CNTNAP2: variants seen among roughly 807,000 people sequenced by gnomAD.
The protein encoded by CNTNAP2 is contactin-associated protein-like 2.
CNTNAP2 carries 98 observed loss-of-function variants against 155.2 expected under a neutral mutation model. The ratio of observed to expected loss-of-function variants is 0.63; its 90% CI spans 0.54 to 0.75. The LOEUF (loss-of-function observed/expected upper bound fraction) is 0.75, where lower values mean the gene tolerates loss of function less well. Ranked by LOEUF, CNTNAP2 falls within the 30% of genes least tolerant of loss-of-function variation. CNTNAP2 has a pLI of 0.00. For synonymous variants in CNTNAP2, 651 were observed against 631.2 expected (o/e 1.03, Z -0.47); for missense variants, 1,727 against 1,688.1 (o/e 1.02, Z -0.40).
At chr7:147,732,669 C>T (rs1796763894) in intron 13 of CNTNAP2, among the ~76,000 whole-genome samples, 1 of 152,194 alleles carries the variant, frequency 6.6e-6, no homozygotes, top group Admixed American at 6.5e-5. Flanking sequence ...TAAAAGTGTT[C>T]CTATTTCTCC....
At chr7:147,287,686 CTACCT>C (rs1805211512) in intron 8 of CNTNAP2, among the ~76,000 whole-genome samples, 1 of 152,094 alleles carries the variant, frequency 6.6e-6, no homozygotes, top group Non-Finnish European at 1.5e-5. Context: ...ATATAACTGC[CTACCT>C]GATATCTCTA....
At chr7:147,173,756 A>G (rs1339109689) in intron 8 of CNTNAP2, among the ~76,000 whole-genome samples, 1 of 152,148 alleles carries the variant, frequency 6.6e-6, no homozygotes, top group African/African-American at 2.4e-5. Flanking sequence ...AAAATGAGGA[A>G]GTGAAGTGGG....
At chr7:147,076,063 G>T (rs560613024) in intron 4 of CNTNAP2, among the ~76,000 whole-genome samples, 26 of 152,234 alleles carry the variant, frequency 1.7e-4, no homozygotes, top group South Asian at 2.1e-4. Flanking sequence ...CCAAGTCTTT[G>T]CTATTGTGAA....
chr7:147,001,704 C>G (rs569166106), intron 3 of CNTNAP2, among the ~76,000 whole-genome samples: 3 of 151,274 alleles, frequency 2.0e-5, no homozygotes, highest in African/African-American at 7.3e-5. Context: ...ATCTTACCAC[C>G]CCATGAGGAT....
intron 13 of CNTNAP2, among the ~76,000 whole-genome samples, chr7:147,727,816 T>A (rs1796669579): frequency 6.6e-6 from 1 of 151,606 alleles, no homozygotes; most frequent in African/African-American, 2.4e-5. Flanking sequence ...TCAACATTAT[T>A]TCTGAGATTG....
intron 10 of CNTNAP2, among the ~76,000 whole-genome samples, chr7:147,454,382 C>T (rs796366556): frequency 9.2e-5 from 14 of 152,216 alleles, no homozygotes; most frequent in African/African-American, 2.6e-4. Context: ...ATTATTCATA[C>T]AAGACTTTGC....
At chr7:146,622,243 A>ATCTATC (rs141425207) in intron 1 of CNTNAP2, among the ~76,000 whole-genome samples, 1 of 144,332 alleles carries the variant, frequency 6.9e-6, no homozygotes, top group East Asian at 2.1e-4. Context: ...ATGTGTGTGT[A>ATCTATC]TATCTATCTA....
At chr7:146,737,823 T>C (rs1450059137) in intron 1 of CNTNAP2, among the ~76,000 whole-genome samples, 1 of 152,116 alleles carries the variant, frequency 6.6e-6, no homozygotes, top group Admixed American at 6.5e-5. Context: ...AACACTTCGT[T>C]CTTTTTTAAT....
intron 13 of CNTNAP2, among the ~76,000 whole-genome samples, chr7:147,880,499 G>A (rs1799501098): frequency 6.6e-6 from 1 of 152,074 alleles, no homozygotes; most frequent in Non-Finnish European, 1.5e-5. Context: ...AGTGAGTCCT[G>A]TGTCTACTGA....
intron 3 of CNTNAP2, among the ~76,000 whole-genome samples, chr7:146,891,179 G>C (rs867370617): frequency 6.6e-6 from 1 of 152,088 alleles, no homozygotes; most frequent in African/African-American, 2.4e-5. Flanking sequence ...TCATTTATAC[G>C]TGAGAGCTAA....
intron 11 of CNTNAP2, among the ~76,000 whole-genome samples, chr7:147,550,238 C>T (rs1799826120): frequency 6.6e-6 from 1 of 152,162 alleles, no homozygotes; most frequent in African/African-American, 2.4e-5. Context: ...TATGGTTTGA[C>T]TGTGTCCCCA....
chr7:146,949,153 T>C (rs764740459), intron 3 of CNTNAP2, among the ~76,000 whole-genome samples: 1 of 152,114 alleles, frequency 6.6e-6, no homozygotes, highest in African/African-American at 2.4e-5. Context: ...TCAGGATACA[T>C]AGAAGGAAAG....
intron 13 of CNTNAP2, among the ~76,000 whole-genome samples, chr7:147,842,578 TTTACTTTTC>T (rs1798766083): frequency 8.3e-6 from 1 of 120,316 alleles, no homozygotes; most frequent in Non-Finnish European, 1.7e-5. Flanking sequence ...TTTTTTACTT[TTTACTTTTC>T]TTTTTTTTTT....
chr7:146,220,137 G>A (rs908225971), intron 1 of CNTNAP2, among the ~76,000 whole-genome samples: 6 of 152,030 alleles, frequency 3.9e-5, no homozygotes, highest in African/African-American at 7.2e-5. Flanking sequence ...CTTAATTACC[G>A]TTGATATATT....
At chr7:147,493,770 A>G (rs989219295) in intron 11 of CNTNAP2, among the ~76,000 whole-genome samples, 2 of 152,118 alleles carry the variant, frequency 1.3e-5, no homozygotes, top group African/African-American at 2.4e-5. Flanking sequence ...CACATAGGGG[A>G]AAAAAATGAT....
intron 1 of CNTNAP2, among the ~76,000 whole-genome samples, chr7:146,335,249 G>A (rs949256419): frequency 6.6e-6 from 1 of 152,116 alleles, no homozygotes; most frequent in African/African-American, 2.4e-5. Context: ...TGAATGTAGT[G>A]TTAGTTATGA....
rs1373859112 is a variant in CNTNAP2 at position 148,416,924 on chromosome 7, C to CAAAT, written c.*1314_*1317dup. 1.3e-5 allele frequency: 2 copies of CAAAT among 152,336 alleles called. No homozygotes were observed. Among genetic ancestry groups the CAAAT allele is most frequent in the South Asian group, 2.1e-4 (1 of 4,822 alleles). The allele number at this position is 152,336 out of a possible 1,614,324, so 9.4% of individuals were successfully genotyped here. A position where few individuals can be genotyped will look rare whatever the true frequency, so the allele number is the denominator to read the frequency against. On this transcript the variant is annotated 3_prime_UTR_variant, in exon 24 of 24. Transcript: ENST00000361727. ...CTGAAATCTTGACCCAGTTATTTAA[C>CAAAT]AAATAAATACCTCATTGATTATATT...
At chr7:148,125,793 C>T (rs1804706957) in intron 16 of CNTNAP2, among the ~76,000 whole-genome samples, 1 of 151,594 alleles carries the variant, frequency 6.6e-6, no homozygotes, top group Non-Finnish European at 1.5e-5. Context: ...CCTCTGCCTC[C>T]CGGGTTCAAG....
intron 13 of CNTNAP2, among the ~76,000 whole-genome samples, chr7:147,696,477 C>G (rs1052860230): frequency 6.6e-6 from 1 of 152,114 alleles, no homozygotes. Context: ...TTTTGAATCC[C>G]TCCTCCATAT....
Sources: gnomAD v4.1 joint callset for allele counts (sites outside exome capture counted in the v4.1 genomes callset) on GRCh38, gnomAD v4.1.1 for gene constraint, MANE v1.5 for transcripts, NCBI Gene and HGNC (gene_info 2026-07-23, HGNC 2026-07-21) for gene names.